The following RALB variants were observed in gnomAD, a reference collection of about 807,000 sequenced individuals.
RALB encodes RAS like proto-oncogene B.
A neutral mutation model predicts 21.3 loss-of-function variants in RALB; 16 were observed. The observed-to-expected ratio is 0.75, with a 90% confidence interval of 0.51 to 1.14. The LOEUF (loss-of-function observed/expected upper bound fraction) is 1.14. Among genes scored for constraint, RALB ranks in the 50% most tolerant of loss-of-function variants. The probability of loss-of-function intolerance (pLI) is 0.00; values close to 1 mark genes in which losing one functional copy is unlikely to be tolerated. For missense variants in RALB, 161 were observed against 256.2 expected (o/e 0.63, Z 2.54); for synonymous variants, 93 against 96.1 (o/e 0.97, Z 0.19).
intron 1 of RALB, among the ~76,000 whole-genome samples, chr2:120,241,770 G>T (rs1688899430): frequency 6.6e-6 from 1 of 152,112 alleles, no homozygotes; most frequent in South Asian, 2.1e-4. Flanking sequence ...ACAGAGAAGA[G>T]CAAGTGTTGG....
intron 2 of RALB, among the ~76,000 whole-genome samples, chr2:120,281,562 T>C (rs896899176): frequency 6.6e-6 from 1 of 152,338 alleles, no homozygotes; most frequent in African/African-American, 2.4e-5. Context: ...CTGGTTATCC[T>C]CCTGGGTCAT....
At chr2:120,285,320 G>A (rs907732687) in intron 2 of RALB, among the ~76,000 whole-genome samples, 6 of 152,172 alleles carry the variant, frequency 3.9e-5, no homozygotes, top group African/African-American at 1.2e-4. Context: ...AACACATTGG[G>A]ATGATAATTC....
intron 1 of RALB, among the ~76,000 whole-genome samples, chr2:120,257,213 A>C (rs1031146038): frequency 6.6e-6 from 1 of 152,244 alleles, no homozygotes; most frequent in South Asian, 2.1e-4. Context: ...GTGTGTTCTT[A>C]AAAATAAAAC....
intron 1 of RALB, among the ~76,000 whole-genome samples, chr2:120,244,937 A>G (rs1346586032): frequency 6.6e-6 from 1 of 152,204 alleles, no homozygotes; most frequent in Non-Finnish European, 1.5e-5. Flanking sequence ...AGGAGTCCCA[A>G]AAGTCAGGGA....
intron 1 of RALB, among the ~76,000 whole-genome samples, chr2:120,262,865 C>A (rs1558948533): frequency 6.6e-6 from 1 of 152,174 alleles, no homozygotes; most frequent in Non-Finnish European, 1.5e-5. Flanking sequence ...TCTGCCTGTG[C>A]TTGTTTCCAG....
intron 1 of RALB, among the ~76,000 whole-genome samples, chr2:120,260,754 G>A (rs1307347727): frequency 1.3e-5 from 2 of 152,266 alleles, no homozygotes; most frequent in African/African-American, 4.8e-5. Context: ...TCCCTTTCCA[G>A]GCAGCGTTTT....
intron 1 of RALB, among the ~76,000 whole-genome samples, chr2:120,240,586 A>C (rs113186280): frequency 0.012 from 1,797 of 152,292 alleles, 33 homozygotes; most frequent in African/African-American, 0.04. Context: ...GGTGTGAGCC[A>C]CCGCACCTGG....
At chr2:120,273,041 C>T (rs1477101030) in intron 1 of RALB, among the ~76,000 whole-genome samples, 4 of 152,100 alleles carry the variant, frequency 2.6e-5, no homozygotes, top group Admixed American at 1.3e-4. Flanking sequence ...GTGTCATCGC[C>T]CGTTGGGTCT....
chr2:120,280,291 C>G (rs1055418839), intron 2 of RALB, among the ~76,000 whole-genome samples: 13 of 152,114 alleles, frequency 8.5e-5, no homozygotes, highest in African/African-American at 3.1e-4. Context: ...ATAGCAAAGA[C>G]ATGGAACCAA....
At chr2:120,273,192 G>A (rs1435415758) in intron 1 of RALB, among the ~76,000 whole-genome samples, 3 of 152,100 alleles carry the variant, frequency 2.0e-5, no homozygotes, top group African/African-American at 7.2e-5. Flanking sequence ...AGAGTTTAGA[G>A]TTTTTCAAGG....
chr2:120,289,467 GA>G, intron 3 of RALB, 112 bp from the exon 4 acceptor site: 1 of 1,074,394 alleles, frequency 9.3e-7, no homozygotes, highest in Admixed American at 2.2e-5. Flanking sequence ...TAAATCTAGT[GA>G]TTTTTTTTTT....
chr2:120,291,941 G>T (rs2104669358), intron 4 of RALB, among the ~76,000 whole-genome samples: 1 of 152,156 alleles, frequency 6.6e-6, no homozygotes, highest in South Asian at 2.1e-4. Flanking sequence ...AGGAGCTTGT[G>T]GTTTTGTGTG....
At position 120,273,631 on chromosome 2, in the gene RALB, C is replaced by T. The variant is rs745338321; in HGVS notation, c.-47-4987C>T. On this transcript the variant is annotated intron_variant, in intron 1 of 4. Coordinates refer to ENST00000272519, the MANE Select transcript of RALB (RefSeq NM_002881.3). Reference sequence around the variant, plus strand: ...AGGGACTATTATTATCCTTGTTAAACTAGAAATTCCTCTCAGGGTTGGTGT... The same window carrying T: ...AGGGACTATTATTATCCTTGTTAAATTAGAAATTCCTCTCAGGGTTGGTGT... Among the ~76,000 whole-genome samples the T allele has an allele frequency of 9.5e-4, 145 of 152,348 alleles. 1 individual carries two copies. Among genetic ancestry groups the T allele is most frequent in the Non-Finnish European group, 1.7e-3 (119 of 68,032 alleles).
At chr2:120,256,457 C>G (rs182910835) in intron 1 of RALB, among the ~76,000 whole-genome samples, 1 of 151,964 alleles carries the variant, frequency 6.6e-6, no homozygotes, top group Non-Finnish European at 1.5e-5. Context: ...GGGAGGGACT[C>G]GGTGGGAGGT....
Position 120,294,231 on chromosome 2 carries a change from A to G in RALB, c.*971A>G, listed in dbSNP as rs1690371487. 2 of 398,524 alleles carry G rather than the reference A, an allele frequency of 5.0e-6. No homozygotes were observed. Among genetic ancestry groups the G allele is most frequent in the South Asian group, 1.3e-4 (1 of 7,864 alleles). The allele number at this position is 398,524 out of a possible 1,614,324, so 24.7% of individuals were successfully genotyped here. On this transcript the variant is annotated 3_prime_UTR_variant, in exon 5 of 5. Transcript: ENST00000272519. ...TGATGAGTTAAAGTTGTATTCTGAAATCATGAAGCCAGAGCCTGTGCCAGA... is the reference window on the plus strand; with the variant it reads ...TGATGAGTTAAAGTTGTATTCTGAAGTCATGAAGCCAGAGCCTGTGCCAGA...
At chr2:120,240,246 C>A in intron 1 of RALB, 2 of 887,218 alleles carry the variant, frequency 2.3e-6, no homozygotes, top group Non-Finnish European at 3.2e-6. Flanking sequence ...TGCCTGGGGT[C>A]ACACAGCATG....
At chr2:120,260,136 C>T in intron 1 of RALB, among the ~76,000 whole-genome samples, 1 of 152,262 alleles carries the variant, frequency 6.6e-6, no homozygotes, top group South Asian at 2.1e-4. Flanking sequence ...GCCTCTCCCT[C>T]CACACCTCCC....
chr2:120,240,121 G>A (rs533103608), exon 1 of RALB: 210 of 1,289,722 alleles, frequency 1.6e-4, no homozygotes, highest in Admixed American at 3.0e-4. Context: ...AACAGCGGCA[G>A]TCAGGTGGGT....
intron 1 of RALB, among the ~76,000 whole-genome samples, chr2:120,277,463 T>TGTGA (rs148102406): frequency 0.65 from 97,477 of 150,876 alleles, 31,838 homozygotes; most frequent in Middle Eastern, 0.77. Context: ...TGTTAGAGCA[T>TGTGA]GTATGTGGTG....
Sources: gnomAD v4.1 joint callset for allele counts (sites outside exome capture counted in the v4.1 genomes callset) on GRCh38, gnomAD v4.1.1 for gene constraint, MANE v1.5 for transcripts, NCBI Gene and HGNC (gene_info 2026-07-23, HGNC 2026-07-21) for gene names.